EZR: variants seen among roughly 807,000 people sequenced by gnomAD.
EZR encodes cytovillin 2.
In EZR, 40 loss-of-function variants were observed where a neutral mutation model predicts 74.8. The ratio of observed to expected loss-of-function variants is 0.53; its 90% CI spans 0.42 to 0.70. EZR has a LOEUF of 0.70. EZR is among the 30% of genes least tolerant of loss of function. EZR has a pLI of 0.00. For missense variants in EZR, 678 were observed against 755.8 expected, an observed-to-expected ratio of 0.90 and a Z score of 1.21; for synonymous variants, 341 against 283.3, an observed-to-expected ratio of 1.20 and a Z score of -2.05.
Position 158,766,294 on chromosome 6 carries a change from TAAGCA to T in EZR, c.*615_*619del, listed in dbSNP as rs1487091053. On this transcript the variant is annotated 3_prime_UTR_variant, in exon 14 of 14. Coordinates refer to ENST00000367075, the MANE Select transcript of EZR (RefSeq NM_001111077.2). ...TAAGTACAATGTATTCTAAAACTGT[TAAGCA>T]AAAAAAAAAAAAACAAAAAAAAAAA... The T allele has an allele frequency of 8.1e-6, 1 of 123,750 alleles. No individual in the cohort carries two copies. The highest frequency in any genetic ancestry group is 3.1e-5 in the African/African-American group (1 of 32,488). 7.7% of individuals were successfully genotyped at this position (123,750 alleles called of 1,614,324 possible).
At position 158,770,878 on chromosome 6, in the gene EZR, C is replaced by G; in HGVS notation, c.976G>C (p.Glu326Gln). The change falls in exon 10 of 14, where the codon GAG (glutamate) becomes CAG (glutamine). Residue 326 changes from glutamate (E) to glutamine (Q), a missense_variant. Coordinates refer to ENST00000367075, the MANE Select transcript of EZR (RefSeq NM_001111077.2). The part of the protein sequence containing the change: ...KQLERQQLET[E>Q]KKRRETVERE... ...TCCACGGTTTCTCTCCTTTTCTTCT[C>G]TGTTTCCAGCTGTTGCCTGGTGCAG... is the stretch of plus-strand genomic sequence containing the variant. The G allele has an allele frequency of 6.2e-7, 1 of 1,614,218 alleles. No homozygotes were observed. Among genetic ancestry groups the G allele is most frequent in the Non-Finnish European group, 8.5e-7 (1 of 1,180,044 alleles).
intron 10 of EZR, 23 bp from the exon 11 acceptor site, chr6:158,769,967 CCATT>C: frequency 6.2e-7 from 1 of 1,605,298 alleles, no homozygotes; most frequent in Non-Finnish European, 8.5e-7. Context: ...AAAGCCAGAG[CCATT>C]CAAACCCTCA....
At chr6:158,787,231 C>A in intron 3 of EZR, 28 bp from the exon 4 acceptor site, 1 of 1,585,662 alleles carries the variant, frequency 6.3e-7, no homozygotes, top group Non-Finnish European at 8.7e-7. Context: ...AGGCTCAACA[C>A]TCATGAGAAA....
chr6:158,817,809 G>T (rs1470045055), intron 2 of EZR, among the ~76,000 whole-genome samples: 1 of 152,086 alleles, frequency 6.6e-6, no homozygotes, highest in African/African-American at 2.4e-5. Flanking sequence ...AGTGTAAAAA[G>T]GCCTCTAGTT....
chr6:158,784,967 C>A (rs1379715304), intron 5 of EZR, among the ~76,000 whole-genome samples: 1 of 152,138 alleles, frequency 6.6e-6, no homozygotes, highest in Non-Finnish European at 1.5e-5. Context: ...TTTAAGTGGC[C>A]TCTTCTTCCA....
intron 8 of EZR, 122 bp from the exon 9 acceptor site, chr6:158,771,529 A>G: frequency 9.3e-7 from 1 of 1,073,856 alleles, no homozygotes; most frequent in Non-Finnish European, 1.3e-6. Context: ...CAGGGATGGC[A>G]GCATCTCGGC....
rs368225383 is a variant in EZR at position 158,766,313 on chromosome 6, CAA to C, written c.*599_*600del. The stretch of plus-strand genomic sequence containing the variant: ...AACTGTTAAGCAAAAAAAAAAAAAA[CAA>C]AAAAAAAAATCCAAGTGTCCTCCTC... On this transcript the variant is annotated 3_prime_UTR_variant, in exon 14 of 14. Transcript: ENST00000367075. The C allele has an allele frequency of 0.076, 10,694 of 141,120 alleles. 409 individuals carry two copies. The highest frequency in any genetic ancestry group is 0.13 in the Middle Eastern group (36 of 280). 8.7% of individuals were successfully genotyped at this position (141,120 alleles called of 1,614,324 possible). A position where few individuals can be genotyped will look rare whatever the true frequency, so the allele number is the denominator to read the frequency against.
chr6:158,793,534 C>T (rs940192797), intron 2 of EZR, among the ~76,000 whole-genome samples: 1 of 152,134 alleles, frequency 6.6e-6, no homozygotes, highest in Non-Finnish European at 1.5e-5. Context: ...AGTTAAAGGG[C>T]ATGTCTGTTA....
intron 5 of EZR, 30 bp downstream of exon 5, chr6:158,785,279 C>T: frequency 6.2e-7 from 1 of 1,607,518 alleles, no homozygotes; most frequent in Non-Finnish European, 8.5e-7. Flanking sequence ...CATGACTGCT[C>T]CTGCCCAGGC....
At chr6:158,770,381 T>A (rs1304097202) in intron 10 of EZR, among the ~76,000 whole-genome samples, 1 of 152,138 alleles carries the variant, frequency 6.6e-6, no homozygotes, top group Non-Finnish European at 1.5e-5. Flanking sequence ...GAAGTCTGGC[T>A]CTGAACACGC....
At chr6:158,805,262 C>T (rs1001299044) in intron 2 of EZR, among the ~76,000 whole-genome samples, 3 of 147,510 alleles carry the variant, frequency 2.0e-5, no homozygotes, top group African/African-American at 7.6e-5. Flanking sequence ...TCGCTTGAAC[C>T]AGGGAGTCGG....
chr6:158,768,293 T>C (rs1263202714), intron 12 of EZR, among the ~76,000 whole-genome samples: 2 of 152,076 alleles, frequency 1.3e-5, no homozygotes, highest in East Asian at 1.9e-4. Flanking sequence ...TCTGCCACGA[T>C]TGTAAATTTC....
intron 8 of EZR, among the ~76,000 whole-genome samples, chr6:158,774,696 C>T (rs1791218581): frequency 6.6e-6 from 1 of 151,288 alleles, no homozygotes. Context: ...CACACACACA[C>T]ACACACACAC....
intron 12 of EZR, among the ~76,000 whole-genome samples, chr6:158,768,290 C>A (rs1366606358): frequency 6.6e-6 from 1 of 152,048 alleles, no homozygotes; most frequent in Non-Finnish European, 1.5e-5. Context: ...CCTTCTGCCA[C>A]GATTGTAAAT....
At chr6:158,789,721 G>A (rs1309293242) in intron 2 of EZR, among the ~76,000 whole-genome samples, 5 of 152,180 alleles carry the variant, frequency 3.3e-5, no homozygotes, top group African/African-American at 7.2e-5. Flanking sequence ...AGGCTCACAC[G>A]AACGCCTCCC....
At chr6:158,792,017 A>C (rs890916272) in intron 2 of EZR, among the ~76,000 whole-genome samples, 23 of 151,838 alleles carry the variant, frequency 1.5e-4, no homozygotes, top group African/African-American at 5.6e-4. Context: ...CCAGACTCCA[A>C]ATTCTAAACC....
intron 2 of EZR, among the ~76,000 whole-genome samples, chr6:158,793,983 A>C (rs1027415234): frequency 5.9e-5 from 9 of 152,214 alleles, no homozygotes; most frequent in Non-Finnish European, 8.8e-5. Context: ...GGGGAAAAAA[A>C]ACAGACTTTG....
chr6:158,816,833 C>G (rs1271625118), intron 2 of EZR, among the ~76,000 whole-genome samples: 1 of 152,138 alleles, frequency 6.6e-6, no homozygotes, highest in African/African-American at 2.4e-5. Context: ...CGCCTGTAAT[C>G]CTAGCATTTT....
rs1207137918 is a variant in EZR, at chr6:158,773,192, G to GCTA, written c.796-1786_796-1785insTAG. ...AACTCCCCTTTATGGGGTTGTGGGG[G>GCTA]TGCATGGGTGGGGGGATCAATGAAA... On this transcript the variant is annotated intron_variant, in intron 8 of 13. Coordinates refer to ENST00000367075, the MANE Select transcript of EZR (RefSeq NM_001111077.2). 1.5e-4 allele frequency among the ~76,000 whole-genome samples: 23 copies of GCTA among 152,282 alleles called. No individual in the cohort carries two copies. The South Asian group carries it at 1.7e-3, about 11-fold the overall frequency.
Sources: gnomAD v4.1 joint callset for allele counts (sites outside exome capture counted in the v4.1 genomes callset) on GRCh38, gnomAD v4.1.1 for gene constraint, MANE v1.5 for transcripts, NCBI Gene and HGNC (gene_info 2026-07-23, HGNC 2026-07-21) for gene names.